The following GSDMC variants were observed in gnomAD, a reference collection of about 807,000 sequenced individuals.
The protein encoded by GSDMC is gasdermin C.
Under a neutral mutation model 58.0 loss-of-function variants are expected in GSDMC, and 59 were observed. The observed-to-expected ratio is 1.02, with a 90% confidence interval of 0.82 to 1.26. The LOEUF (loss-of-function observed/expected upper bound fraction) is 1.26. Ranked by LOEUF, GSDMC falls within the 50% of genes most tolerant of loss-of-function variation. The pLI is 0.00. For missense variants in GSDMC, 659 were observed against 598.5 expected, an observed-to-expected ratio of 1.10 and a Z score of -1.06; for synonymous variants, 241 against 220.2, an observed-to-expected ratio of 1.09 and a Z score of -0.83.
At chr8:129,715,136 A>G in the GSDMC span, among the ~76,000 whole-genome samples, 1 of 152,184 alleles carries the variant, frequency 6.6e-6, no homozygotes, top group East Asian at 1.9e-4. Context: ...ATATTAAGAC[A>G]CAGGGTCATA....
At chr8:129,730,971 G>A in the GSDMC span, among the ~76,000 whole-genome samples, 2 of 152,076 alleles carry the variant, frequency 1.3e-5, no homozygotes, top group African/African-American at 2.4e-5. Flanking sequence ...CCTGTTCTAT[G>A]TAAATATTTA....
intron 3 of GSDMC, among the ~76,000 whole-genome samples, chr8:129,766,594 A>G (rs2033869518): frequency 6.6e-6 from 1 of 152,172 alleles, no homozygotes; most frequent in South Asian, 2.1e-4. Flanking sequence ...TCTTCCAAGC[A>G]TCATGTTTTA....
chr8:129,752,292 CT>C, intron 7 of GSDMC, 145 bp from the exon 8 acceptor site: 1 of 712,498 alleles, frequency 1.4e-6, no homozygotes, highest in Non-Finnish European at 2.5e-6. Context: ...AGTTAAAAAA[CT>C]TCCCCAGAGA....
chr8:129,756,476 T>C (rs2033440566), intron 6 of GSDMC, among the ~76,000 whole-genome samples: 1 of 152,082 alleles, frequency 6.6e-6, no homozygotes, highest in Non-Finnish European at 1.5e-5. Context: ...ACACCCTACT[T>C]TCAGCACTGA....
intron 3 of GSDMC, among the ~76,000 whole-genome samples, chr8:129,775,046 C>T (rs1563810867): frequency 6.6e-6 from 1 of 152,122 alleles, no homozygotes; most frequent in South Asian, 2.1e-4. Context: ...CCATATGATC[C>T]AGCAATCTCA....
At chr8:129,754,079 C>T (rs972864653) in intron 6 of GSDMC, among the ~76,000 whole-genome samples, 4 of 152,380 alleles carry the variant, frequency 2.6e-5, no homozygotes, top group South Asian at 4.1e-4. Context: ...AAACTCACTG[C>T]TCTGACGGGA....
At chr8:129,755,060 ATAT>A (rs2033372915) in intron 6 of GSDMC, among the ~76,000 whole-genome samples, 1 of 152,206 alleles carries the variant, frequency 6.6e-6, no homozygotes, top group Admixed American at 6.5e-5. Flanking sequence ...CAAAGGAATA[ATAT>A]TAAAGAATTT....
the GSDMC span, chr8:129,706,672 A>G: frequency 6.6e-6 from 1 of 152,214 alleles, no homozygotes; most frequent in Non-Finnish European, 1.5e-5. Flanking sequence ...CATCCTCAAG[A>G]TGGAAACCCC....
At chr8:129,766,003 G>A (rs1380447505) in intron 3 of GSDMC, among the ~76,000 whole-genome samples, 5 of 152,134 alleles carry the variant, frequency 3.3e-5, no homozygotes, top group Admixed American at 2.6e-4. Flanking sequence ...GGGTGTGAGA[G>A]TATATGTACC....
chr8:129,720,503 T>C, the GSDMC span, among the ~76,000 whole-genome samples: 1 of 152,218 alleles, frequency 6.6e-6, no homozygotes, highest in African/African-American at 2.4e-5. Flanking sequence ...TGTGTATGAA[T>C]ATACATATAA....
intron 1 of GSDMC, among the ~76,000 whole-genome samples, chr8:129,784,592 T>C (rs1053361233): frequency 6.6e-6 from 1 of 152,008 alleles, no homozygotes; most frequent in African/African-American, 2.4e-5. Flanking sequence ...AGACAAGTAA[T>C]AAAAAATGCT....
chr8:129,748,545 G>C lies in GSDMC; in HGVS notation c.1483C>G (p.Leu495Val). 5 of 1,613,364 alleles carry C rather than the reference G, an allele frequency of 3.1e-6. No homozygotes were observed. The highest frequency in any genetic ancestry group is 4.2e-6 in the Non-Finnish European group (5 of 1,179,584). The change falls in exon 14 of 14, where the codon CTC becomes GTC. Residue 495 changes from leucine to valine, a missense_variant. Leu to Val is a conservative substitution (Grantham distance 32). Coordinates refer to ENST00000276708, the MANE Select transcript of GSDMC (RefSeq NM_031415.3). ...DVEAKMPLSA[L>V]YGTLSLLQQL... ...TGCAGCAACGAGAGAGTCCCATAGAGGGCAGACAGGGGCATCTTTGCTTCT... is the reference window on the plus strand; with the variant it reads ...TGCAGCAACGAGAGAGTCCCATAGACGGCAGACAGGGGCATCTTTGCTTCT...
chr8:129,784,114 T>C (rs775408293), intron 1 of GSDMC, among the ~76,000 whole-genome samples: 43 of 152,172 alleles, frequency 2.8e-4, no homozygotes, highest in Admixed American at 6.5e-4. Flanking sequence ...TAGACTTCAA[T>C]GTAAAGCCTC....
the GSDMC span, among the ~76,000 whole-genome samples, chr8:129,735,436 C>G: frequency 6.6e-6 from 1 of 152,084 alleles, no homozygotes; most frequent in Non-Finnish European, 1.5e-5. Context: ...TGTAAAAGAA[C>G]AGAAATCACA....
intron 3 of GSDMC, among the ~76,000 whole-genome samples, chr8:129,775,687 C>T (rs2034201609): frequency 6.6e-6 from 1 of 152,092 alleles, no homozygotes; most frequent in South Asian, 2.1e-4. Flanking sequence ...AATCCCAAGA[C>T]AGCAATGTAC....
chr8:129,779,269 CT>C (rs763332987), intron 1 of GSDMC, among the ~76,000 whole-genome samples: 2 of 152,156 alleles, frequency 1.3e-5, no homozygotes, highest in Non-Finnish European at 2.9e-5. Flanking sequence ...TCATGGAATA[CT>C]ATGTAGCCAA....
At position 129,750,481 on chromosome 8, in the gene GSDMC, T is replaced by C. The variant is rs1324441287; in HGVS notation, c.1033A>G (p.Ile345Val). Residue 345 changes from isoleucine to valine, a missense_variant, in exon 11 of 14, where the codon ATC becomes GTC. Physicochemically the swap from Ile to Val is conservative, Grantham distance 29. Coordinates refer to ENST00000276708, the MANE Select transcript of GSDMC (RefSeq NM_031415.3). The part of the protein sequence containing the change: ...KDVQDVMFYS[I>V]LAMLRDRGAL... ...CCTCTGTCTCTGAGCATGGCCAGGATACTGTAGAACATGACATCCTGAACA... is the reference window on the plus strand; with the variant it reads ...CCTCTGTCTCTGAGCATGGCCAGGACACTGTAGAACATGACATCCTGAACA... 1 of 1,614,030 alleles carries C rather than the reference T, an allele frequency of 6.2e-7. No homozygotes were observed. The highest frequency in any genetic ancestry group is 8.5e-7 in the Non-Finnish European group (1 of 1,179,868).
At chr8:129,745,169 C>T (rs2032934757), downstream of GSDMC, among the ~76,000 whole-genome samples, 1 of 152,156 alleles carries the variant, frequency 6.6e-6, no homozygotes, top group Non-Finnish European at 1.5e-5. Flanking sequence ...ATAGTCAGTC[C>T]TCAGTTCTCC....
intron 6 of GSDMC, among the ~76,000 whole-genome samples, chr8:129,756,615 C>T (rs1171939062): frequency 6.6e-6 from 1 of 152,058 alleles, no homozygotes; most frequent in Non-Finnish European, 1.5e-5. Context: ...TTTTTCTCCT[C>T]AGCACATGGA....
Sources: gnomAD v4.1 joint callset for allele counts (sites outside exome capture counted in the v4.1 genomes callset) on GRCh38, gnomAD v4.1.1 for gene constraint, MANE v1.5 for transcripts, NCBI Gene and HGNC (gene_info 2026-07-23, HGNC 2026-07-21) for gene names.